TCEA1: variants seen among roughly 807,000 people sequenced by gnomAD.
The protein encoded by TCEA1 is transcription elongation factor A protein 1.
Under a neutral mutation model 43.8 loss-of-function variants are expected in TCEA1, and 21 were observed. The observed-to-expected ratio is 0.48, with a 90% CI of 0.34 to 0.69. TCEA1 has a LOEUF of 0.69. Ranked by LOEUF, TCEA1 falls within the 30% of genes least tolerant of loss-of-function variation. The pLI is 0.01. For synonymous variants in TCEA1, 104 were observed against 117.5 expected (o/e 0.88, Z 0.75); for missense variants, 250 against 365.1 (o/e 0.68, Z 2.57).
intron 6 of TCEA1, 150 bp downstream of exon 6, chr8:53,986,819 T>C: frequency 1.6e-6 from 1 of 620,808 alleles, no homozygotes; most frequent in East Asian, 2.9e-5. Flanking sequence ...CCAATCCTCT[T>C]CTGCTTCTGT....
chr8:54,019,676 A>G (rs1266967639), intron 1 of TCEA1, among the ~76,000 whole-genome samples: 1 of 152,184 alleles, frequency 6.6e-6, no homozygotes. Flanking sequence ...CCATAATTCT[A>G]CAACCCCTAA....
At chr8:53,980,419 T>C (rs1273895157) in intron 7 of TCEA1, among the ~76,000 whole-genome samples, 2 of 152,264 alleles carry the variant, frequency 1.3e-5, no homozygotes, top group Non-Finnish European at 2.9e-5. Context: ...CAATGCTGTG[T>C]TGAGCAAATC....
chr8:53,986,981 G>T lies in TCEA1; in HGVS notation c.511C>A (p.Gln171Lys). 9 of 1,596,614 alleles carry T rather than the reference G, an allele frequency of 5.6e-6. No homozygotes were observed. Among genetic ancestry groups the T allele is most frequent in the Non-Finnish European group, 6.8e-6 (8 of 1,172,152 alleles). Residue 171 changes from glutamine to lysine, a missense_variant, in exon 6 of 10, where the codon CAA becomes AAA. Transcript: ENST00000521604. ...ACACAAAGGATATCTTCTTCAATTT[G>T]AGATCCTAATTCTTCCTCATCAGCT... ...IGADEEELGS[Q>K]IEEAIYQEIR... is the part of the protein sequence containing the mutation.
At chr8:53,988,033 CA>C in intron 5 of TCEA1, 80 bp downstream of exon 5, 1 of 1,522,444 alleles carries the variant, frequency 6.6e-7, no homozygotes, top group East Asian at 2.3e-5. Context: ...TAACACTCAT[CA>C]AACAGCAATA....
chr8:54,010,267 TTAG>T lies in TCEA1; in HGVS notation c.126+160_126+162del, dbSNP rs771566641. On this transcript the variant is annotated intron_variant, in intron 2 of 9. Coordinates refer to ENST00000521604, the MANE Select transcript of TCEA1 (RefSeq NM_006756.4). ...GGCGACATTGCTCTATAATGGCAAC[TTAG>T]TAGATTATTGATTTATATTGCCATC... 708 of 592,466 alleles carry T rather than the reference TTAG, an allele frequency of 1.2e-3. 4 individuals are homozygous for T. Among genetic ancestry groups the T allele is most frequent in the Non-Finnish European group, 1.6e-3 (542 of 340,658 alleles). 36.7% of individuals were successfully genotyped at this position (592,466 alleles called of 1,614,324 possible).
chr8:53,996,984 C>T (rs1266608065), intron 3 of TCEA1, among the ~76,000 whole-genome samples: 1 of 147,668 alleles, frequency 6.8e-6, no homozygotes, highest in African/African-American at 2.5e-5. Flanking sequence ...AGTGCAAGCT[C>T]CGCCTCCCGG....
chr8:54,017,094 G>T lies in TCEA1; in HGVS notation c.63+4969C>A, dbSNP rs141354711. ...TCCAGATTTGGCAAACACACAGACA[G>T]AAAGTATATTAGTGGCTGTCAGAGG... On this transcript the variant is annotated intron_variant, in intron 1 of 9. Coordinates refer to ENST00000521604, the MANE Select transcript of TCEA1 (RefSeq NM_006756.4). 5.5e-3 allele frequency among the ~76,000 whole-genome samples: 834 copies of T among 151,880 alleles called. 4 individuals carry two copies. The highest frequency in any genetic ancestry group is 0.019 in the African/African-American group (803 of 41,386).
At chr8:54,000,170 T>C (rs1212111362) in intron 2 of TCEA1, 120 bp from the exon 3 acceptor site, 1 of 641,826 alleles carries the variant, frequency 1.6e-6, no homozygotes, top group African/African-American at 1.8e-5. Context: ...AAAACTTCAA[T>C]TTTTGGATCC....
At chr8:53,991,780 G>A (rs112397108) in intron 4 of TCEA1, among the ~76,000 whole-genome samples, 3 of 151,334 alleles carry the variant, frequency 2.0e-5, no homozygotes, top group East Asian at 1.9e-4. Flanking sequence ...AAAACTAAAC[G>A]GATATAACGT....
intron 4 of TCEA1, among the ~76,000 whole-genome samples, chr8:53,989,120 T>C (rs2129304160): frequency 6.6e-6 from 1 of 151,464 alleles, no homozygotes; most frequent in East Asian, 1.9e-4. Context: ...ACTTAGACAG[T>C]GAGTTCCCCA....
intron 2 of TCEA1, among the ~76,000 whole-genome samples, chr8:54,003,364 G>A (rs926141589): frequency 1.3e-5 from 2 of 151,980 alleles, no homozygotes; most frequent in Non-Finnish European, 2.9e-5. Flanking sequence ...ATTGACAAGC[G>A]TACCCTAAAG....
At chr8:53,985,906 C>T (rs1325281892) in intron 6 of TCEA1, among the ~76,000 whole-genome samples, 1 of 152,184 alleles carries the variant, frequency 6.6e-6, no homozygotes, top group Non-Finnish European at 1.5e-5. Context: ...TCTCAATCTA[C>T]AAGGCAGAAA....
At chr8:53,981,015 C>A (rs918947587) in intron 7 of TCEA1, among the ~76,000 whole-genome samples, 4 of 152,164 alleles carry the variant, frequency 2.6e-5, no homozygotes, top group African/African-American at 9.7e-5. Flanking sequence ...ATCAAACCAA[C>A]CACAACATTC....
intron 3 of TCEA1, chr8:53,999,538 AAG>A (rs1216944169): frequency 6.1e-6 from 1 of 165,028 alleles, no homozygotes; most frequent in African/African-American, 2.4e-5. Context: ...GAGAAAGAAA[AAG>A]AGAGAATATG....
chr8:53,993,748 T>G lies in TCEA1; in HGVS notation c.240A>C (p.Pro80=), dbSNP rs1803960015. Reference sequence around the variant, plus strand: ...TTTCGTCAAGGTCTTTCTCAGTTGATGGCCCATCTGAAAATTATGAAATCT... The same window carrying G: ...TTTCGTCAAGGTCTTTCTCAGTTGAGGGCCCATCTGAAAATTATGAAATCT... ...IKSWKKLLDG[P]STEKDLDEKK... is the part of the protein sequence containing the mutation. Residue 80 remains proline (P), a synonymous_variant, in exon 4 of 10, where the codon CCA becomes CCC. Transcript: ENST00000521604. 6.2e-6 allele frequency: 10 copies of G among 1,610,936 alleles called. No homozygotes were observed. The highest frequency in any genetic ancestry group is 6.8e-6 in the Non-Finnish European group (8 of 1,179,080).
intron 8 of TCEA1, chr8:53,972,452 T>C (rs558866390): frequency 7.7e-6 from 4 of 520,264 alleles, no homozygotes; most frequent in African/African-American, 5.9e-5. Flanking sequence ...GTTTTGGGCA[T>C]GCATGGAGAG....
At chr8:53,977,795 G>A (rs982018548) in intron 8 of TCEA1, among the ~76,000 whole-genome samples, 4 of 152,040 alleles carry the variant, frequency 2.6e-5, no homozygotes, top group African/African-American at 7.3e-5. Context: ...TAGTCATATC[G>A]TACATAAATG....
chr8:53,978,845 G>T, intron 8 of TCEA1, 180 bp downstream of exon 8: 2 of 541,236 alleles, frequency 3.7e-6, no homozygotes, highest in Non-Finnish European at 6.2e-6. Flanking sequence ...CGGAAAAAAC[G>T]TGGTATACAT....
rs185378086 is a variant in TCEA1 at position 53,988,317 on chromosome 8, A to C, written c.321-58T>G. ...CAAGAACAATCCTTTCAAAGTAACA[A>C]TACTACTATCATGCTGTAAAAACAA... On this transcript the variant is annotated intron_variant, in intron 4 of 9. Coordinates refer to ENST00000521604, the MANE Select transcript of TCEA1 (RefSeq NM_006756.4). 1.3e-3 allele frequency: 2,106 copies of C among 1,571,170 alleles called. 4 individuals are homozygous for C. Among genetic ancestry groups the C allele is most frequent in the Non-Finnish European group, 1.6e-3 (1,802 of 1,158,230 alleles).
Sources: allele counts gnomAD v4.1 joint callset (sites outside exome capture counted in the v4.1 genomes callset), GRCh38; gene constraint gnomAD v4.1.1; transcripts MANE v1.5; gene names NCBI Gene and HGNC (gene_info 2026-07-23, HGNC 2026-07-21).